Variants in ERCC6L2 observed in about 807,000 individuals in gnomAD.
ERCC6L2 encodes DNA excision repair protein ERCC-6-like 2.
ERCC6L2 carries 77 observed loss-of-function variants against 132.0 expected under a neutral mutation model. The observed-to-expected ratio is 0.58, with a 90% CI of 0.49 to 0.71. ERCC6L2 has a LOEUF of 0.71. Among genes scored for constraint, ERCC6L2 ranks in the 30% least tolerant of loss-of-function variants. The pLI is 0.00. For synonymous variants in ERCC6L2, 583 were observed against 632.4 expected (o/e 0.92, Z 1.17); for missense variants, 1,542 against 1,837.6 (o/e 0.84, Z 2.94).
intron 9 of ERCC6L2, among the ~76,000 whole-genome samples, chr9:95,926,729 C>T (rs181397538): frequency 6.6e-6 from 1 of 152,010 alleles, no homozygotes; most frequent in Non-Finnish European, 1.5e-5. Flanking sequence ...TTTGTCAAAA[C>T]CCGTGAACTA....
At position 95,966,649 on chromosome 9, in the gene ERCC6L2, T is replaced by C. The variant is rs1272883266; in HGVS notation, c.2035T>C (p.Phe679Leu). 1.3e-6 allele frequency: 2 copies of C among 1,546,680 alleles called. No homozygotes were observed. The highest frequency in any genetic ancestry group is 8.8e-7 in the Non-Finnish European group (1 of 1,132,554). ...ATCTAAAGAGCATCAAGGAGAGCTT[T>C]TTGGGATCCATAACCTCTTCAAATT... ...QGSKEHQGEL[F>L]GIHNLFKFRS... Residue 679 changes from phenylalanine (F) to leucine (L), a missense_variant, in exon 14 of 19, where the codon TTT becomes CTT. Around this residue, in one of 4 missense-constraint regions of ERCC6L2, gnomAD observed 945 missense variants for 1,105.2 expected, o/e 0.86. Transcript: ENST00000653738.
At chr9:96,009,173 A>G (rs1264302990) in intron 18 of ERCC6L2, among the ~76,000 whole-genome samples, 1 of 152,234 alleles carries the variant, frequency 6.6e-6, no homozygotes, top group Admixed American at 6.5e-5. Flanking sequence ...AATGCTGTAC[A>G]GCATGCTGCA....
At chr9:96,026,625 TACACACCACACACACAA>T (rs1834368705) in intron 19 of ERCC6L2, among the ~76,000 whole-genome samples, 2 of 141,032 alleles carry the variant, frequency 1.4e-5, no homozygotes, top group South Asian at 2.3e-4. Flanking sequence ...CACCACACTA[TACACACCACACACACAA>T]ACACACCACA....
intron 14 of ERCC6L2, chr9:95,968,819 A>G (rs1229078458): frequency 6.6e-6 from 1 of 152,210 alleles, no homozygotes; most frequent in Non-Finnish European, 1.5e-5. Flanking sequence ...AAAGAACAAA[A>G]TAAACAAAAC....
intron 10 of ERCC6L2, 177 bp downstream of exon 10, chr9:95,928,327 G>T: frequency 2.1e-6 from 1 of 472,070 alleles, no homozygotes; most frequent in Non-Finnish European, 3.7e-6. Context: ...AATTGTTTCA[G>T]GGTTGCTAAA....
At chr9:95,907,826 TACACACACACACACAC>T (rs373670619) in intron 4 of ERCC6L2, among the ~76,000 whole-genome samples, 1 of 40,870 alleles carries the variant, frequency 2.4e-5, no homozygotes, top group Non-Finnish European at 5.5e-5. Context: ...GGGCAAAAAC[TACACACACACACACAC>T]ACACACACAC....
intron 17 of ERCC6L2, among the ~76,000 whole-genome samples, chr9:95,992,825 A>G (rs972611626): frequency 2.0e-5 from 3 of 152,172 alleles, no homozygotes; most frequent in African/African-American, 2.4e-5. Flanking sequence ...AAGGCTTTCT[A>G]TGGTTAATTT....
intron 3 of ERCC6L2, among the ~76,000 whole-genome samples, chr9:95,899,979 G>C (rs1023735059): frequency 3.9e-5 from 6 of 152,092 alleles, no homozygotes; most frequent in African/African-American, 1.2e-4. Context: ...CAGATATGGA[G>C]GAACTGTAAA....
intron 12 of ERCC6L2, among the ~76,000 whole-genome samples, chr9:95,944,927 A>C (rs1268858075): frequency 6.6e-6 from 1 of 152,196 alleles, no homozygotes; most frequent in East Asian, 1.9e-4. Flanking sequence ...AAATGGAGGC[A>C]GGGCGAGATC....
chr9:95,976,327 G>C (rs1213546332), intron 16 of ERCC6L2, among the ~76,000 whole-genome samples: 1 of 152,068 alleles, frequency 6.6e-6, no homozygotes. Context: ...ACCTGGGTGG[G>C]AGCCCTGGTG....
chr9:95,990,580 G>A (rs1479946567), intron 17 of ERCC6L2, among the ~76,000 whole-genome samples: 1 of 152,202 alleles, frequency 6.6e-6, no homozygotes, highest in Admixed American at 6.5e-5. Flanking sequence ...GAACTGGAGT[G>A]GCTCGTTTCA....
intron 1 of ERCC6L2, chr9:95,876,894 G>A (rs1188206801): frequency 6.6e-6 from 1 of 152,206 alleles, no homozygotes; most frequent in Admixed American, 6.5e-5. Flanking sequence ...ATACCTATAG[G>A]AGACTGGCAG....
At chr9:95,951,622 A>G (rs1429868807) in intron 12 of ERCC6L2, among the ~76,000 whole-genome samples, 1 of 152,206 alleles carries the variant, frequency 6.6e-6, no homozygotes, top group Non-Finnish European at 1.5e-5. Flanking sequence ...GGACATTGCT[A>G]CTGATTTTAC....
At chr9:95,886,153 C>A (rs1827855354) in intron 2 of ERCC6L2, among the ~76,000 whole-genome samples, 1 of 151,972 alleles carries the variant, frequency 6.6e-6, no homozygotes, top group Non-Finnish European at 1.5e-5. Context: ...GTAGCTGGGA[C>A]CATAGTTGCT....
chr9:95,901,344 C>T (rs996373905), intron 3 of ERCC6L2, among the ~76,000 whole-genome samples: 1 of 152,060 alleles, frequency 6.6e-6, no homozygotes, highest in Non-Finnish European at 1.5e-5. Flanking sequence ...CCCTAACACT[C>T]ACCATAGAAT....
rs142601439 is a variant in ERCC6L2, at chr9:95,952,678, A to T, written c.1848-3236A>T. On this transcript the variant is annotated intron_variant, in intron 12 of 18. Coordinates refer to ENST00000653738, the MANE Select transcript of ERCC6L2 (RefSeq NM_020207.7). ...GTGAAACCACATCTCTACAAAAAAA[A>T]ATATAAAAATTAGCCAGCATGGTGG... Among the ~76,000 whole-genome samples, 873 of 152,232 alleles carry T rather than the reference A, an allele frequency of 5.7e-3. 8 individuals are homozygous for T. The highest frequency in any genetic ancestry group is 0.018 in the East Asian group (92 of 5,182).
At chr9:95,950,823 T>C (rs1261404470) in intron 12 of ERCC6L2, among the ~76,000 whole-genome samples, 1 of 152,120 alleles carries the variant, frequency 6.6e-6, no homozygotes, top group African/African-American at 2.4e-5. Context: ...GAGCCCCAAA[T>C]TGTATGAAGC....
At chr9:95,938,059 G>C (rs1830635320) in intron 11 of ERCC6L2, among the ~76,000 whole-genome samples, 6 of 149,252 alleles carry the variant, frequency 4.0e-5, no homozygotes, top group Admixed American at 1.3e-4. Flanking sequence ...CAGTTTTTTT[G>C]GATTTCAGAT....
intron 18 of ERCC6L2, among the ~76,000 whole-genome samples, chr9:96,007,682 A>G (rs1365650214): frequency 6.6e-6 from 1 of 152,178 alleles, no homozygotes; most frequent in Non-Finnish European, 1.5e-5. Context: ...CATTCAGCAT[A>G]GAAGCAGAAG....
Sources: allele counts gnomAD v4.1 joint callset (sites outside exome capture counted in the v4.1 genomes callset), GRCh38; gene constraint gnomAD v4.1.1; regional missense constraint gnomAD v4.1.1; transcripts MANE v1.5; gene names NCBI Gene and HGNC (gene_info 2026-07-23, HGNC 2026-07-21).